Variants in ABCB4 observed in about 807,000 individuals in gnomAD.
ABCB4 encodes phosphatidylcholine translocator ABCB4.
In ABCB4, 76 loss-of-function variants were observed where a neutral mutation model predicts 145.7. The ratio of observed to expected loss-of-function variants is 0.52; its 90% CI spans 0.43 to 0.63. ABCB4 has a LOEUF of 0.63. Ranked by LOEUF, ABCB4 falls within the 30% of genes least tolerant of loss-of-function variation. ABCB4 has a pLI of 0.00. For synonymous variants in ABCB4, 517 were observed against 566.8 expected, an observed-to-expected ratio of 0.91 and a Z score of 1.25; for missense variants, 1,234 against 1,553.1, an observed-to-expected ratio of 0.79 and a Z score of 3.45.
intron 23 of ABCB4, among the ~76,000 whole-genome samples, chr7:87,409,626 A>G (rs987761796): frequency 6.6e-6 from 1 of 152,178 alleles, no homozygotes; most frequent in Non-Finnish European, 1.5e-5. Flanking sequence ...TTCCCTTTGC[A>G]TAGTAGCCCC....
chr7:87,443,928 T>G (rs977491144), intron 10 of ABCB4, among the ~76,000 whole-genome samples, 155 bp from the exon 11 acceptor site: 1 of 152,210 alleles, frequency 6.6e-6, no homozygotes, highest in African/African-American at 2.4e-5. Flanking sequence ...TGTATATGTA[T>G]GTGTGCTGTT....
At chr7:87,406,987 C>G (rs1808245945) in intron 25 of ABCB4, among the ~76,000 whole-genome samples, 1 of 152,182 alleles carries the variant, frequency 6.6e-6, no homozygotes, top group Admixed American at 6.5e-5. Context: ...CTTAACTTTC[C>G]CTCACCTCTC....
At chr7:87,460,467 G>A (rs1401258526) in intron 4 of ABCB4, among the ~76,000 whole-genome samples, 2 of 151,980 alleles carry the variant, frequency 1.3e-5, no homozygotes, top group Non-Finnish European at 2.9e-5. Context: ...AGATCTCAGT[G>A]TCTATTGTTC....
chr7:87,444,839 C>T (rs1811237598), intron 10 of ABCB4, 23 bp downstream of exon 10: 3 of 1,554,588 alleles, frequency 1.9e-6, no homozygotes, highest in Non-Finnish European at 2.6e-6. Flanking sequence ...CTTCTTTTGG[C>T]ACTAAAATAA....
intron 21 of ABCB4, among the ~76,000 whole-genome samples, chr7:87,415,348 T>TAAAC (rs34992639): frequency 0.84 from 128,019 of 151,780 alleles, 54,344 homozygotes; most frequent in Middle Eastern, 0.92. Flanking sequence ...TCTTTTTAAA[T>TAAAC]AGTGATTTGG....
At chr7:87,393,057 A>G in the ABCB4 span, 1 of 1,613,250 alleles carries the variant, frequency 6.2e-7, no homozygotes, top group Non-Finnish European at 8.5e-7. Flanking sequence ...CTACCATATC[A>G]GAGATGACAG....
intron 8 of ABCB4, among the ~76,000 whole-genome samples, chr7:87,448,345 G>T (rs1714802759): frequency 1.3e-5 from 2 of 152,082 alleles, no homozygotes; most frequent in Admixed American, 1.3e-4. Context: ...TAAAACATGA[G>T]AATTCATTAG....
intron 23 of ABCB4, among the ~76,000 whole-genome samples, chr7:87,410,915 G>A (rs1394961648): frequency 6.6e-6 from 1 of 152,198 alleles, no homozygotes; most frequent in Non-Finnish European, 1.5e-5. Flanking sequence ...AAGCACCTAT[G>A]CTGAGTTCTG....
At chr7:87,431,145 C>A (rs1810188572) in intron 15 of ABCB4, among the ~76,000 whole-genome samples, 1 of 152,122 alleles carries the variant, frequency 6.6e-6, no homozygotes, top group Non-Finnish European at 1.5e-5. Context: ...GTAGAAAGGA[C>A]CTTTTAGTTT....
intron 18 of ABCB4, 59 bp from the exon 19 acceptor site, chr7:87,420,134 C>T: frequency 6.6e-7 from 1 of 1,508,404 alleles, no homozygotes. Context: ...TTGCACCAGA[C>T]CAATCATGTT....
At chr7:87,422,881 C>A (rs1809546340) in intron 17 of ABCB4, among the ~76,000 whole-genome samples, 1 of 152,168 alleles carries the variant, frequency 6.6e-6, no homozygotes. Context: ...ACAGAAACCG[C>A]TGTTTGAGGG....
In ABCB4 at chr7:87,423,995, A is replaced by G; in HGVS notation, c.2122T>C (p.Trp708Arg). 1 of 1,614,114 alleles carries G rather than the reference A, an allele frequency of 6.2e-7. No individual in the cohort carries two copies. The highest frequency in any genetic ancestry group is 8.5e-7 in the Non-Finnish European group (1 of 1,179,970). The part of the protein sequence containing the change: ...LKVLKLNKTE[W>R]PYFVVGTVCA... ...ACTGTTCCCACGACAAAGTAGGGCCATTCTGTTTTATTCAGTTTCAGGACC... is the reference window on the plus strand; with the variant it reads ...ACTGTTCCCACGACAAAGTAGGGCCGTTCTGTTTTATTCAGTTTCAGGACC... Residue 708 changes from tryptophan (W) to arginine (R), a missense_variant, in exon 17 of 28, where the codon TGG (tryptophan) becomes CGG (arginine). Trp to Arg is a moderately radical substitution (Grantham distance 101). Around this residue, in one of 7 missense-constraint regions of ABCB4, gnomAD observed 321 missense variants for 332.6 expected, o/e 0.97. Coordinates refer to ENST00000649586, the MANE Select transcript of ABCB4 (RefSeq NM_000443.4).
chr7:87,401,266 C>T (rs45557036), downstream of ABCB4, among the ~76,000 whole-genome samples: 119 of 152,244 alleles, frequency 7.8e-4, no homozygotes, highest in East Asian at 6.6e-3. Flanking sequence ...TAATTTGTTG[C>T]AGAAAATTGT....
At chr7:87,371,415 A>G in the ABCB4 span, among the ~76,000 whole-genome samples, 2 of 152,240 alleles carry the variant, frequency 1.3e-5, no homozygotes, top group Admixed American at 1.3e-4. Context: ...TGGATATATT[A>G]TAGTTGATGT....
chr7:87,426,064 G>A (rs1265798448), intron 16 of ABCB4, among the ~76,000 whole-genome samples: 1 of 151,792 alleles, frequency 6.6e-6, no homozygotes, highest in African/African-American at 2.4e-5. Flanking sequence ...TCATTGCTAA[G>A]TATGGCCATG....
the ABCB4 span, chr7:87,391,665 G>C: frequency 6.8e-5 from 110 of 1,611,724 alleles, 1 homozygote; most frequent in South Asian, 1.9e-4. Flanking sequence ...ATCATGCACA[G>C]TTGAAGCAGT....
chr7:87,462,730 T>G, intron 4 of ABCB4, 28 bp downstream of exon 4: 3 of 1,611,004 alleles, frequency 1.9e-6, no homozygotes, highest in Non-Finnish European at 2.5e-6. Flanking sequence ...ATGCTATGGA[T>G]TTTTTTAAAA....
chr7:87,412,551 C>G (rs1180860970), intron 22 of ABCB4, among the ~76,000 whole-genome samples: 1 of 152,152 alleles, frequency 6.6e-6, no homozygotes, highest in Non-Finnish European at 1.5e-5. Context: ...CTGCCAGCCG[C>G]CCCTGTATAT....
At chr7:87,448,436 T>G (rs973582175) in intron 8 of ABCB4, among the ~76,000 whole-genome samples, 2 of 152,230 alleles carry the variant, frequency 1.3e-5, no homozygotes, top group Non-Finnish European at 2.9e-5. Context: ...GGTGCTTTCC[T>G]CTGGTTGGGG....
Sources: allele counts gnomAD v4.1 joint callset (sites outside exome capture counted in the v4.1 genomes callset), GRCh38; gene constraint gnomAD v4.1.1; regional missense constraint gnomAD v4.1.1; transcripts MANE v1.5; gene names NCBI Gene and HGNC (gene_info 2026-07-23, HGNC 2026-07-21).